The following SPRED2 variants were observed in gnomAD, a reference collection of about 807,000 sequenced individuals.
SPRED2 encodes the protein sprouty related EVH1 domain containing 2.
SPRED2 carries 47 observed loss-of-function variants against 43.0 expected under a neutral mutation model. That is an observed-to-expected ratio of 1.09 (90% CI 0.87 to 1.40). SPRED2 has a LOEUF of 1.40. Ranked by LOEUF, SPRED2 falls within the 40% of genes most tolerant of loss-of-function variation. SPRED2 has a pLI of 0.00. For missense variants in SPRED2, 561 were observed against 586.4 expected, an observed-to-expected ratio of 0.96 and a Z score of 0.45; for synonymous variants, 225 against 225.7, an observed-to-expected ratio of 1.00 and a Z score of 0.03.
Position 65,311,378 on chromosome 2 carries a change from G to A in SPRED2, c.*2123C>T. The A allele has an allele frequency of 1.0e-6, 1 of 985,872 alleles. No homozygotes were observed. The highest frequency in any genetic ancestry group is 1.2e-6 in the Non-Finnish European group (1 of 829,942). The allele number at this position is 985,872 out of a possible 1,614,324, so 61.1% of individuals were successfully genotyped here. On this transcript the variant is annotated 3_prime_UTR_variant, in exon 6 of 6. Coordinates refer to ENST00000356388, the MANE Select transcript of SPRED2 (RefSeq NM_181784.3). Reference sequence around the variant, plus strand: ...CGTAACTCTTAAAAGGGTGGAAAAGGACAAGGGGTGAAAGAAGAGAGAAAC... The same window carrying A: ...CGTAACTCTTAAAAGGGTGGAAAAGAACAAGGGGTGAAAGAAGAGAGAAAC...
chr2:65,355,146 T>C (rs1372845742), intron 1 of SPRED2, among the ~76,000 whole-genome samples: 1 of 152,242 alleles, frequency 6.6e-6, no homozygotes, highest in Admixed American at 6.5e-5. Flanking sequence ...AATTTTCTCA[T>C]CCTGGGGGAC....
At chr2:65,415,143 A>C (rs1558690659) in intron 1 of SPRED2, among the ~76,000 whole-genome samples, 1 of 152,134 alleles carries the variant, frequency 6.6e-6, no homozygotes, top group Non-Finnish European at 1.5e-5. Flanking sequence ...TACCACTTTA[A>C]CCATTTTTAT....
chr2:65,316,986 T>G, intron 4 of SPRED2, 103 bp from the exon 5 acceptor site: 1 of 1,252,390 alleles, frequency 8.0e-7, no homozygotes, highest in Non-Finnish European at 1.1e-6. Flanking sequence ...ATTCCCTGGT[T>G]GTGGCAATTT....
intron 1 of SPRED2, among the ~76,000 whole-genome samples, chr2:65,410,221 A>G (rs1224369173): frequency 6.6e-6 from 1 of 152,052 alleles, no homozygotes; most frequent in East Asian, 1.9e-4. Flanking sequence ...TGGATGATGC[A>G]GTGAGACCTT....
At chr2:65,408,965 A>T (rs566665469) in intron 1 of SPRED2, among the ~76,000 whole-genome samples, 43 of 152,276 alleles carry the variant, frequency 2.8e-4, no homozygotes, top group African/African-American at 9.9e-4. Context: ...CCTGTGTGAG[A>T]CCACAATTAC....
chr2:65,416,708 G>A (rs1261088013), intron 1 of SPRED2, among the ~76,000 whole-genome samples: 1 of 152,160 alleles, frequency 6.6e-6, no homozygotes, highest in African/African-American at 2.4e-5. Context: ...AAAGTAGGAT[G>A]GGGAAATGGA....
chr2:65,411,093 A>G (rs1676148271), intron 1 of SPRED2, among the ~76,000 whole-genome samples: 1 of 152,238 alleles, frequency 6.6e-6, no homozygotes, highest in African/African-American at 2.4e-5. Flanking sequence ...TTTTTATATT[A>G]TAATCATCAT....
intron 1 of SPRED2, chr2:65,377,672 G>A (rs1675275683): frequency 2.1e-6 from 1 of 471,150 alleles, no homozygotes; most frequent in Non-Finnish European, 4.4e-6. Context: ...AGATAAGACT[G>A]CATAGAGCCA....
At chr2:65,336,254 T>C (rs1470836368) in intron 2 of SPRED2, among the ~76,000 whole-genome samples, 2 of 151,750 alleles carry the variant, frequency 1.3e-5, no homozygotes, top group Non-Finnish European at 2.9e-5. Flanking sequence ...ACTCAGGAGA[T>C]TGAGGTGGGA....
rs184252882 is a variant in SPRED2, at chr2:65,323,238, G to A, written c.439-6355C>T. Among the ~76,000 whole-genome samples the A allele has an allele frequency of 3.6e-3, 543 of 151,934 alleles. 5 individuals carry two copies. The highest frequency in any genetic ancestry group is 0.012 in the African/African-American group (515 of 41,428). ...TCCAACTCCTGACCTCAGGTGATCCGCCCACCTCAGCCTCCCAAAGTGCTG... is the reference window on the plus strand; with the variant it reads ...TCCAACTCCTGACCTCAGGTGATCCACCCACCTCAGCCTCCCAAAGTGCTG... On this transcript the variant is annotated intron_variant, in intron 4 of 5. Coordinates refer to ENST00000356388, the MANE Select transcript of SPRED2 (RefSeq NM_181784.3).
At chr2:65,422,102 ACACTCTCTCT>A (rs1270041964) in intron 1 of SPRED2, among the ~76,000 whole-genome samples, 14 of 104,088 alleles carry the variant, frequency 1.3e-4, no homozygotes, top group African/African-American at 3.4e-4. Context: ...ACACACACAC[ACACTCTCTCT>A]CTCTCTCTCT....
chr2:65,430,999 G>A (rs1312644337), intron 1 of SPRED2, among the ~76,000 whole-genome samples: 1 of 151,922 alleles, frequency 6.6e-6, no homozygotes, highest in Admixed American at 6.6e-5. Flanking sequence ...TCGCACCCGA[G>A]ACTGAAAACG....
intron 1 of SPRED2, among the ~76,000 whole-genome samples, chr2:65,367,584 T>A (rs1675011544): frequency 6.6e-6 from 1 of 152,182 alleles, no homozygotes; most frequent in African/African-American, 2.4e-5. Flanking sequence ...AACTTGAAGT[T>A]GTTTCTGCCT....
intron 2 of SPRED2, among the ~76,000 whole-genome samples, chr2:65,341,775 T>G (rs1383812428): frequency 6.6e-6 from 1 of 152,150 alleles, no homozygotes; most frequent in East Asian, 1.9e-4. Context: ...CCACTTTAGG[T>G]TGAAGTATTC....
At chr2:65,406,887 A>G (rs184426688) in intron 1 of SPRED2, among the ~76,000 whole-genome samples, 2,131 of 151,522 alleles carry the variant, frequency 0.014, 21 homozygotes, top group Non-Finnish European at 0.02. Context: ...AGGCTCAGGC[A>G]GGGCTCTGGT....
At chr2:65,370,884 G>A (rs145659955) in intron 1 of SPRED2, among the ~76,000 whole-genome samples, 7 of 152,158 alleles carry the variant, frequency 4.6e-5, no homozygotes, top group East Asian at 1.9e-4. Context: ...CCCCTCCCCC[G>A]AAGTCACATT....
intron 1 of SPRED2, among the ~76,000 whole-genome samples, chr2:65,420,209 C>CAAAAAAAAA (rs61448407): frequency 1.3e-5 from 1 of 79,814 alleles, no homozygotes; most frequent in Non-Finnish European, 2.4e-5. Flanking sequence ...GACTCTGTCT[C>CAAAAAAAAA]AAAAAAAAAA....
rs1055870202 is a variant in SPRED2, at chr2:65,325,932, G to A, written c.438+6055C>T. Among the ~76,000 whole-genome samples the A allele has an allele frequency of 1.2e-4, 18 of 151,604 alleles. No homozygotes were observed. The South Asian group carries it at 3.7e-3, about 32-fold the overall frequency. ...CGGGAGGCGGAGGTTACATTGAGCT[G>A]ATATTGTGCCACTGCACTCCAGCCT... On this transcript the variant is annotated intron_variant, in intron 4 of 5. Coordinates refer to ENST00000356388, the MANE Select transcript of SPRED2 (RefSeq NM_181784.3).
chr2:65,418,574 G>C (rs993655879), intron 1 of SPRED2, among the ~76,000 whole-genome samples: 2 of 143,176 alleles, frequency 1.4e-5, no homozygotes, highest in Non-Finnish European at 3.1e-5. Context: ...CTTTTTTTTT[G>C]ACAGGGTCTC....
Sources: allele counts gnomAD v4.1 joint callset (sites outside exome capture counted in the v4.1 genomes callset), GRCh38; gene constraint gnomAD v4.1.1; transcripts MANE v1.5; gene names NCBI Gene and HGNC (gene_info 2026-07-23, HGNC 2026-07-21).